Variants in GADL1 observed in about 807,000 individuals in gnomAD.
GADL1 encodes acidic amino acid decarboxylase GADL1.
A neutral mutation model predicts 69.5 loss-of-function variants in GADL1; 71 were observed. The observed-to-expected ratio is 1.02, with a 90% CI of 0.84 to 1.25. GADL1 has a LOEUF of 1.25. GADL1 is among the 50% of genes most tolerant of loss of function. The pLI is 0.00. For synonymous variants in GADL1, 254 were observed against 214.4 expected, an observed-to-expected ratio of 1.18 and a Z score of -1.62; for missense variants, 737 against 631.8, an observed-to-expected ratio of 1.17 and a Z score of -1.79.
chr3:30,813,689 T>C (rs1231442209), intron 11 of GADL1, among the ~76,000 whole-genome samples: 1 of 152,214 alleles, frequency 6.6e-6, no homozygotes, highest in Non-Finnish European at 1.5e-5. Context: ...GACAGGAAAA[T>C]GCTATGCAGG....
chr3:30,836,123 A>G (rs1697869502), intron 9 of GADL1, among the ~76,000 whole-genome samples: 1 of 152,016 alleles, frequency 6.6e-6, no homozygotes, highest in South Asian at 2.1e-4. Flanking sequence ...AGAACCTATC[A>G]GTGACAACTA....
chr3:30,769,085 C>T (rs1163350009), intron 14 of GADL1, among the ~76,000 whole-genome samples: 2 of 152,068 alleles, frequency 1.3e-5, no homozygotes, highest in Admixed American at 6.5e-5. Flanking sequence ...CTCAAGTGTG[C>T]AAGAAATGTC....
At chr3:30,741,073 AAT>A (rs1184599874) in intron 14 of GADL1, among the ~76,000 whole-genome samples, 1 of 118,062 alleles carries the variant, frequency 8.5e-6, no homozygotes, top group Non-Finnish European at 1.6e-5. Context: ...TGTTTGTATA[AAT>A]ATATATAGGT....
chr3:30,893,012 G>A (rs553888350), intron 1 of GADL1, among the ~76,000 whole-genome samples: 84 of 152,136 alleles, frequency 5.5e-4, no homozygotes, highest in African/African-American at 2.0e-3. Flanking sequence ...CCACCAGCAC[G>A]CCCGGCTAAT....
chr3:30,756,368 T>C (rs1695969338), intron 14 of GADL1, among the ~76,000 whole-genome samples: 1 of 152,074 alleles, frequency 6.6e-6, no homozygotes, highest in South Asian at 2.1e-4. Context: ...GTGTAAACAC[T>C]TGTCAAGCCA....
chr3:30,860,555 T>C (rs1698305468), intron 2 of GADL1, among the ~76,000 whole-genome samples: 1 of 151,978 alleles, frequency 6.6e-6, no homozygotes, highest in Non-Finnish European at 1.5e-5. Flanking sequence ...GAACATAACT[T>C]CCAAATTCAT....
chr3:30,891,566 A>G (rs1270576757), intron 1 of GADL1, among the ~76,000 whole-genome samples: 2 of 152,050 alleles, frequency 1.3e-5, no homozygotes, highest in African/African-American at 4.8e-5. Context: ...TTAGGAGTGT[A>G]GGGGTGCGGG....
chr3:30,854,821 C>T (rs1163064544), intron 3 of GADL1, 32 bp from the exon 4 acceptor site: 4 of 1,171,480 alleles, frequency 3.4e-6, no homozygotes, highest in Non-Finnish European at 4.9e-6. Flanking sequence ...TTCATCTATG[C>T]AGCAATAAAA....
At chr3:30,842,821 T>TAA (rs1559358436) in intron 8 of GADL1, among the ~76,000 whole-genome samples, 77 of 66,452 alleles carry the variant, frequency 1.2e-3, no homozygotes, top group South Asian at 4.2e-3. Flanking sequence ...ATTGGAATGT[T>TAA]TAAAAAAAAA....
intron 11 of GADL1, among the ~76,000 whole-genome samples, chr3:30,805,734 C>A (rs1031860951): frequency 1.5e-5 from 1 of 66,094 alleles, no homozygotes; most frequent in Non-Finnish European, 2.4e-5. Context: ...AGTCCCCAGC[C>A]TTTTTTTTTT....
At chr3:30,736,175 C>T (rs1369181517) in intron 14 of GADL1, among the ~76,000 whole-genome samples, 1 of 152,034 alleles carries the variant, frequency 6.6e-6, no homozygotes, top group Non-Finnish European at 1.5e-5. Flanking sequence ...CCATTTTATA[C>T]ATGTTTTCCT....
chr3:30,844,276 A>G lies in GADL1; in HGVS notation c.732-12T>C. 1 of 1,609,436 alleles carries G rather than the reference A, an allele frequency of 6.2e-7. No individual in the cohort carries two copies. Among genetic ancestry groups the G allele is most frequent in the Admixed American group, 1.7e-5 (1 of 59,424 alleles). ...GTATCATTTTACCTCTAAGGGACAAAGATTTGAGACTTTCAGTTATGTTTA... is the reference window on the plus strand; with the variant it reads ...GTATCATTTTACCTCTAAGGGACAAGGATTTGAGACTTTCAGTTATGTTTA... On this transcript the variant is annotated splice_polypyrimidine_tract_variant and intron_variant, in intron 7 of 14. Transcript: ENST00000282538.
chr3:30,842,817 A>G (rs1697989432), intron 8 of GADL1, among the ~76,000 whole-genome samples: 1 of 106,200 alleles, frequency 9.4e-6, no homozygotes, highest in African/African-American at 3.7e-5. Flanking sequence ...TGTCATTGGA[A>G]TGTTTAAAAA....
chr3:30,753,449 T>C (rs1695883856), intron 14 of GADL1, among the ~76,000 whole-genome samples: 1 of 152,124 alleles, frequency 6.6e-6, no homozygotes. Context: ...TTTTAATTTT[T>C]AGGAAAAAAT....
rs1474415169 is a variant in GADL1 at position 30,839,071 on chromosome 3, C to T, written c.829G>A (p.Val277Met). 2 of 1,606,038 alleles carry T rather than the reference C, an allele frequency of 1.2e-6. No homozygotes were observed. Among genetic ancestry groups the T allele is most frequent in the South Asian group, 2.2e-5 (2 of 89,306 alleles). The change falls in exon 9 of 15, where the codon GTG becomes ATG. Residue 277 changes from valine to methionine, a missense_variant. By Grantham distance (21) the Val-to-Met change is conservative. Coordinates refer to ENST00000282538, the MANE Select transcript of GADL1 (RefSeq NM_207359.3). ...FLVCATSGTT[V>M]LGAFDPLDEI... ...TCCAGAGGGTCAAAAGCTCCCAACA[C>T]AGTTGTACCAGAAGTGGCACAGACA...
At chr3:30,779,435 C>T (rs2125496587) in intron 13 of GADL1, among the ~76,000 whole-genome samples, 1 of 152,328 alleles carries the variant, frequency 6.6e-6, no homozygotes, top group East Asian at 1.9e-4. Flanking sequence ...GACCCATCAT[C>T]TCATATCTTA....
intron 7 of GADL1, 49 bp from the exon 8 acceptor site, chr3:30,844,313 A>G (rs1347511646): frequency 1.3e-6 from 2 of 1,573,038 alleles, no homozygotes; most frequent in Non-Finnish European, 1.7e-6. Context: ...TAATTAACAG[A>G]TAATGATACT....
chr3:30,842,821 T>TAAAAAAAAAAAA (rs1559358436), intron 8 of GADL1, among the ~76,000 whole-genome samples: 1 of 66,468 alleles, frequency 1.5e-5, no homozygotes, highest in African/African-American at 7.0e-5. Flanking sequence ...ATTGGAATGT[T>TAAAAAAAAAAAA]TAAAAAAAAA....
intron 1 of GADL1, among the ~76,000 whole-genome samples, chr3:30,868,309 T>C (rs758929641): frequency 1.3e-4 from 20 of 152,066 alleles, no homozygotes; most frequent in Non-Finnish European, 2.6e-4. Context: ...GCTTTTATCT[T>C]ATAAAATGAG....
Sources: allele counts gnomAD v4.1 joint callset (sites outside exome capture counted in the v4.1 genomes callset), GRCh38; gene constraint gnomAD v4.1.1; transcripts MANE v1.5; gene names NCBI Gene and HGNC (gene_info 2026-07-23, HGNC 2026-07-21).